FYN: variants seen among roughly 807,000 people sequenced by gnomAD.
FYN encodes the protein tyrosine-protein kinase Fyn.
A neutral mutation model predicts 70.2 loss-of-function variants in FYN; 10 were observed. That is an observed-to-expected ratio of 0.14 (90% CI 0.09 to 0.24). The LOEUF is 0.24. Among genes scored for constraint, FYN ranks in the 10% least tolerant of loss-of-function variants. FYN has a pLI of 1.00. For missense variants in FYN, 319 were observed against 673.1 expected (o/e 0.47, Z 5.82); for synonymous variants, 236 against 248.6 (o/e 0.95, Z 0.48).
At chr6:111,704,267 A>T (rs183236125) in intron 6 of FYN, among the ~76,000 whole-genome samples, 165 bp from the exon 7 acceptor site, 1 of 151,834 alleles carries the variant, frequency 6.6e-6, no homozygotes, top group African/African-American at 2.4e-5. Context: ...TTTTCAATCT[A>T]TCCTGGATTC....
chr6:111,713,992 C>T (rs541667028), intron 5 of FYN, among the ~76,000 whole-genome samples: 101 of 152,346 alleles, frequency 6.6e-4, no homozygotes, highest in South Asian at 6.4e-3. Flanking sequence ...GAGCACGAAA[C>T]GTGGGTAGCC....
At chr6:111,662,034 C>G in intron 13 of FYN, 87 bp from the exon 14 acceptor site, 3 of 1,138,834 alleles carry the variant, frequency 2.6e-6, no homozygotes, top group Middle Eastern at 3.0e-4. Flanking sequence ...TTCTTCTTTG[C>G]GTCTGCATGT....
At chr6:111,796,407 C>T (rs1771806152) in intron 2 of FYN, among the ~76,000 whole-genome samples, 2 of 152,148 alleles carry the variant, frequency 1.3e-5, no homozygotes, top group Admixed American at 1.3e-4. Context: ...ACATGCTGTT[C>T]AGGTTTGTAA....
chr6:111,690,819 G>T (rs1262837181), intron 12 of FYN, among the ~76,000 whole-genome samples: 1 of 152,182 alleles, frequency 6.6e-6, no homozygotes, highest in African/African-American at 2.4e-5. Flanking sequence ...ACATCAGGTG[G>T]TAGCGCTGGA....
chr6:111,694,840 T>C lies in FYN; in HGVS notation c.1043-136A>G, dbSNP rs1799504829. 3 of 716,828 alleles carry C rather than the reference T, an allele frequency of 4.2e-6. No individual in the cohort carries two copies. Among genetic ancestry groups the C allele is most frequent in the Middle Eastern group, 3.9e-4 (1 of 2,582 alleles). 44.4% of individuals were successfully genotyped at this position (716,828 alleles called of 1,614,324 possible). ...CCATCCACATGGGGGGACAAAAAGG[T>C]TTATATAAAAAAGCAGGGTAGAAAA... On this transcript the variant is annotated intron_variant, in intron 10 of 13. Coordinates refer to ENST00000354650, the MANE Select transcript of FYN (RefSeq NM_002037.5). The surrounding 1 kb of genome is among the most constrained non-coding windows in gnomAD (Gnocchi z 5.0).
rs376867074 is a variant in FYN, at chr6:111,694,565, G to C, written c.1120-37C>G. ...CAGGGAACAGGACATGTTACACCAC[G>C]ACCCAATGTACTTAGACACGTCATT... On this transcript the variant is annotated intron_variant, in intron 11 of 13. Transcript: ENST00000354650. This position sits in a 1 kb window ranked among gnomAD's most constrained non-coding sequence, Gnocchi z 5.0. 9 of 1,613,768 alleles carry C rather than the reference G, an allele frequency of 5.6e-6. No homozygotes were observed. Among genetic ancestry groups the C allele is most frequent in the Non-Finnish European group, 7.6e-6 (9 of 1,179,728 alleles).
Position 111,723,770 on chromosome 6 carries a change from C to T in FYN, c.-11-3708G>A, listed in dbSNP as rs544108260. On this transcript the variant is annotated intron_variant, in intron 3 of 13. Coordinates refer to ENST00000354650, the MANE Select transcript of FYN (RefSeq NM_002037.5). ...ATCCTTTATTATGCAGAGTTATGTG[C>T]TGTGGCTTTAATGTCCAATGCTGTA... 2.6e-5 allele frequency among the ~76,000 whole-genome samples: 4 copies of T among 152,316 alleles called. No homozygotes were observed. The East Asian group carries it at 7.7e-4, about 29-fold the overall frequency.
intron 2 of FYN, among the ~76,000 whole-genome samples, chr6:111,822,905 C>T (rs1772717746): frequency 6.6e-6 from 1 of 151,950 alleles, no homozygotes. Context: ...GCTTGTCACA[C>T]AAGAGAAAGC....
intron 5 of FYN, among the ~76,000 whole-genome samples, chr6:111,713,609 A>G (rs1313512616): frequency 6.6e-6 from 1 of 152,058 alleles, no homozygotes; most frequent in Non-Finnish European, 1.5e-5. Flanking sequence ...CACTGCCTCA[A>G]TCTAATAGAG....
At chr6:111,696,245 G>A in intron 10 of FYN, 32 bp downstream of exon 10, 1 of 1,563,094 alleles carries the variant, frequency 6.4e-7, no homozygotes, top group Non-Finnish European at 8.7e-7. Context: ...TTAAGGCACT[G>A]TGAGCTGGAG....
intron 12 of FYN, among the ~76,000 whole-genome samples, chr6:111,679,083 T>C (rs1798674266): frequency 6.6e-6 from 1 of 152,134 alleles, no homozygotes; most frequent in Non-Finnish European, 1.5e-5. Flanking sequence ...CTCCTCTGCT[T>C]CCCTCCTCTC....
intron 1 of FYN, among the ~76,000 whole-genome samples, chr6:111,851,512 C>A (rs1773686153): frequency 6.6e-6 from 1 of 152,146 alleles, no homozygotes; most frequent in African/African-American, 2.4e-5. Context: ...GAACAGTGTA[C>A]CTAGAAGCAC....
chr6:111,848,879 T>A (rs1773604922), intron 1 of FYN, among the ~76,000 whole-genome samples: 1 of 152,248 alleles, frequency 6.6e-6, no homozygotes, highest in African/African-American at 2.4e-5. Context: ...AAAAATCATT[T>A]TTTAAAAATT....
intron 1 of FYN, among the ~76,000 whole-genome samples, chr6:111,868,720 T>C (rs545232011): frequency 1.3e-5 from 2 of 152,354 alleles, no homozygotes; most frequent in South Asian, 4.1e-4. Context: ...TAATTGGACC[T>C]GAATCCTGAC....
At chr6:111,846,146 G>T (rs953962847) in intron 2 of FYN, among the ~76,000 whole-genome samples, 1 of 152,102 alleles carries the variant, frequency 6.6e-6, no homozygotes, top group Admixed American at 6.5e-5. Flanking sequence ...TCAAAGATAC[G>T]GCTCAGGCAG....
intron 3 of FYN, among the ~76,000 whole-genome samples, chr6:111,766,051 G>T (rs918221341): frequency 2.0e-5 from 3 of 152,212 alleles, no homozygotes; most frequent in Admixed American, 6.5e-5. Context: ...TGAAACAAGA[G>T]AATGACAAGA....
Position 111,660,757 on chromosome 6 carries a change from T to C in FYN, c.*982A>G, listed in dbSNP as rs1164173946. On this transcript the variant is annotated 3_prime_UTR_variant, in exon 14 of 14. Coordinates refer to ENST00000354650, the MANE Select transcript of FYN (RefSeq NM_002037.5). ...GCGGGTTGCCATGACTACAATGCTA[T>C]GGGTTTTAGATCACTTAAATGTGGT... 2 of 152,214 alleles carry C rather than the reference T, an allele frequency of 1.3e-5. No homozygotes were observed. The highest frequency in any genetic ancestry group is 4.8e-5 in the African/African-American group (2 of 41,450). The allele number at this position is 152,214 out of a possible 1,614,324, so 9.4% of individuals were successfully genotyped here.
At chr6:111,764,008 A>G (rs182308973) in intron 3 of FYN, among the ~76,000 whole-genome samples, 72 of 152,274 alleles carry the variant, frequency 4.7e-4, no homozygotes, top group Non-Finnish European at 8.7e-4. Flanking sequence ...CTATGAAACA[A>G]AATTGAATTG....
Position 111,661,686 on chromosome 6 carries a change from G to A in FYN, c.*53C>T, listed in dbSNP as rs1254747587. ...GCTGGCTACGGAATTGAAAGCTAATGGGGAGGGGTGGGGCAGCCTCTGGGA... is the reference window on the plus strand; with the variant it reads ...GCTGGCTACGGAATTGAAAGCTAATAGGGAGGGGTGGGGCAGCCTCTGGGA... On this transcript the variant is annotated 3_prime_UTR_variant, in exon 14 of 14. Transcript: ENST00000354650. This position sits in a 1 kb window ranked among gnomAD's most constrained non-coding sequence, Gnocchi z 4.0. 15 of 1,523,320 alleles carry A rather than the reference G, an allele frequency of 9.8e-6. No homozygotes were observed. Among genetic ancestry groups the A allele is most frequent in the African/African-American group, 1.4e-5 (1 of 72,900 alleles). The allele number at this position is 1,523,320 out of a possible 1,614,324, so 94.4% of individuals were successfully genotyped here.
Sources: allele counts gnomAD v4.1 joint callset (sites outside exome capture counted in the v4.1 genomes callset), GRCh38; gene constraint gnomAD v4.1.1; non-coding constraint Gnocchi (gnomAD v3.1); transcripts MANE v1.5; gene names NCBI Gene and HGNC (gene_info 2026-07-23, HGNC 2026-07-21).